Variants in AADACL2 observed in about 807,000 individuals in gnomAD.
AADACL2 encodes arylacetamide deacetylase-like 2.
Under a neutral mutation model 22.3 loss-of-function variants are expected in AADACL2, and 23 were observed. That is an observed-to-expected ratio of 1.03 (90% CI 0.74 to 1.46). The LOEUF is 1.46. AADACL2 is among the 40% of genes most tolerant of loss of function. The pLI, the probability that AADACL2 is intolerant of heterozygous loss-of-function variation, is 0.00. For missense variants in AADACL2, 472 were observed against 482.9 expected, an observed-to-expected ratio of 0.98 and a Z score of 0.21; for synonymous variants, 177 against 166.2, an observed-to-expected ratio of 1.07 and a Z score of -0.50.
At chr3:151,738,548 A>G (rs1389160359) in intron 1 of AADACL2, among the ~76,000 whole-genome samples, 1 of 152,120 alleles carries the variant, frequency 6.6e-6, no homozygotes, top group East Asian at 1.9e-4. Flanking sequence ...CTGTCTTGCT[A>G]TGTTGGAGAA....
intron 3 of AADACL2, among the ~76,000 whole-genome samples, chr3:151,745,058 G>A (rs751811293): frequency 8.5e-5 from 13 of 152,102 alleles, no homozygotes; most frequent in East Asian, 1.9e-4. Flanking sequence ...TATATGCACC[G>A]TCAGCTTATA....
intron 1 of AADACL2, among the ~76,000 whole-genome samples, chr3:151,738,000 T>A (rs34427011): frequency 0.32 from 48,713 of 152,090 alleles, 8,120 homozygotes; most frequent in East Asian, 0.55. Context: ...GTCATCATGA[T>A]GCTAGCTAGT....
intron 1 of AADACL2, among the ~76,000 whole-genome samples, chr3:151,737,889 G>A (rs918610537): frequency 1.2e-4 from 18 of 152,044 alleles, no homozygotes; most frequent in Non-Finnish European, 8.8e-5. Flanking sequence ...GCACACTGAT[G>A]AGTCTTGACT....
intron 3 of AADACL2, 129 bp from the exon 4 acceptor site, chr3:151,745,380 A>T: frequency 2.3e-6 from 2 of 853,742 alleles, no homozygotes; most frequent in Non-Finnish European, 3.7e-6. Flanking sequence ...ATCAAGAGTT[A>T]GTAGAAAACT....
rs1372510081 is a variant in AADACL2 at position 151,734,164 on chromosome 3, T to C, written c.129T>C (p.Cys43=). Residue 43 remains cysteine, a synonymous_variant, in exon 1 of 5, where the codon TGT becomes TGC. Coordinates refer to ENST00000356517, the MANE Select transcript of AADACL2 (RefSeq NM_207365.4). ...CCTTGGATGCCATCGCTAAAACTTGTACATTTACGGTAAGGTTAACATTTA... is the reference window on the plus strand; with the variant it reads ...CCTTGGATGCCATCGCTAAAACTTGCACATTTACGGTAAGGTTAACATTTA... ...IMALDAIAKT[C]TFTAMCFENM... 1.2e-6 allele frequency: 2 copies of C among 1,613,054 alleles called. No individual in the cohort carries two copies. The highest frequency in any genetic ancestry group is 1.7e-6 in the Non-Finnish European group (2 of 1,179,502).
chr3:151,746,240 ATTGGAAT>A (rs528188552), intron 4 of AADACL2, among the ~76,000 whole-genome samples: 6 of 152,066 alleles, frequency 3.9e-5, no homozygotes, highest in Admixed American at 3.3e-4. Flanking sequence ...TTTGGAACAT[ATTGGAAT>A]TTGTAATTTG....
In AADACL2 at chr3:151,745,622, G is replaced by A. The variant is rs780021458; in HGVS notation, c.545G>A (p.Arg182Gln). The change falls in exon 4 of 5, where the codon CGA becomes CAA. Residue 182 changes from arginine (R) to glutamine (Q), a missense_variant. Around this residue, in one of 3 missense-constraint regions of AADACL2, gnomAD observed 356 missense variants for 365.5 expected, o/e 0.97. Transcript: ENST00000356517. ...ILTKYGVDPTRICIAGDSSGG... is the reference protein window; with the variant it reads ...ILTKYGVDPTQICIAGDSSGG... ...ACAAAATATGGAGTGGATCCCACCC[G>A]AATCTGCATTGCGGGAGACAGTTCT... 4.2e-5 allele frequency: 68 copies of A among 1,613,286 alleles called. 1 individual carries two copies. In the South Asian group the frequency reaches 4.3e-4, roughly 10 times the overall value.
chr3:151,742,563 G>T (rs375041315), intron 2 of AADACL2, among the ~76,000 whole-genome samples: 11 of 152,270 alleles, frequency 7.2e-5, no homozygotes, highest in Admixed American at 2.0e-4. Flanking sequence ...AAGACCTCAA[G>T]GTCTCTGGAT....
intron 4 of AADACL2, among the ~76,000 whole-genome samples, chr3:151,750,427 C>G (rs1018144127): frequency 9.2e-5 from 14 of 152,134 alleles, no homozygotes; most frequent in Admixed American, 4.6e-4. Flanking sequence ...CTTCCTCCAC[C>G]TACGCATCTA....
At chr3:151,747,777 G>C (rs758029945) in intron 4 of AADACL2, among the ~76,000 whole-genome samples, 5 of 151,966 alleles carry the variant, frequency 3.3e-5, no homozygotes, top group Non-Finnish European at 7.4e-5. Flanking sequence ...TACTGACTTT[G>C]TTTCCTTTGG....
Position 151,745,571 on chromosome 3 carries a change from A to G in AADACL2, c.494A>G (p.Lys165Arg). The change falls in exon 4 of 5, where the codon AAA (lysine) becomes AGA (arginine). Residue 165 changes from lysine to arginine, a missense_variant. Coordinates refer to ENST00000356517, the MANE Select transcript of AADACL2 (RefSeq NM_207365.4). ...TTTGAAGATGGCCTTGCTGCAGTCA[A>G]ATTTTTTCTTTTGGAAAAAATTCTT... is the stretch of plus-strand genomic sequence containing the variant. ...AQFEDGLAAVKFFLLEKILTK... is the reference protein window; with the variant it reads ...AQFEDGLAAVRFFLLEKILTK... The G allele has an allele frequency of 6.2e-7, 1 of 1,613,862 alleles. No homozygotes were observed. Among genetic ancestry groups the G allele is most frequent in the Non-Finnish European group, 8.5e-7 (1 of 1,179,880 alleles).
intron 2 of AADACL2, 72 bp downstream of exon 2, chr3:151,740,940 A>G: frequency 8.5e-7 from 1 of 1,173,152 alleles, no homozygotes; most frequent in Non-Finnish European, 1.2e-6. Flanking sequence ...TTATATAAAT[A>G]TACACACTTA....
intron 2 of AADACL2, among the ~76,000 whole-genome samples, chr3:151,742,608 AAT>A (rs1713316624): frequency 6.6e-6 from 1 of 152,152 alleles, no homozygotes; most frequent in African/African-American, 2.4e-5. Flanking sequence ...AAGAAACCCA[AAT>A]TATGACACTA....
rs1267611081 is a variant in AADACL2 at position 151,758,806 on chromosome 3, TGTA to T, written c.*1216_*1218del. 2.0e-5 allele frequency: 3 copies of T among 152,048 alleles called. No homozygotes were observed. Among genetic ancestry groups the T allele is most frequent in the Non-Finnish European group, 4.4e-5 (3 of 67,962 alleles). 9.4% of individuals were successfully genotyped at this position (152,048 alleles called of 1,614,324 possible). A position where few individuals can be genotyped will look rare whatever the true frequency, so the allele number is the denominator to read the frequency against. On this transcript the variant is annotated 3_prime_UTR_variant, in exon 5 of 5. Transcript: ENST00000356517. ...TTGAATCCAACTAAGAAGTTAAAAA[TGTA>T]GTAAGAAATGTGTATATGTATGAGT...
intron 1 of AADACL2, among the ~76,000 whole-genome samples, chr3:151,740,436 C>T (rs986955419): frequency 7.2e-5 from 11 of 152,280 alleles, no homozygotes; most frequent in Admixed American, 1.3e-4. Flanking sequence ...TGTTCCTATT[C>T]GGCCAGCTTG....
rs35709499 is a variant in AADACL2 at position 151,757,166 on chromosome 3, C to T, written c.778C>T (p.Leu260Phe). 9.4e-4 allele frequency: 1,518 copies of T among 1,613,406 alleles called. No homozygotes were observed. Among genetic ancestry groups the T allele is most frequent in the Non-Finnish European group, 1.1e-3 (1,264 of 1,179,656 alleles). ...CTTATATTTCACCAAGGATGAAGCACTTCCCTGGGCAATGAGAAGAAACCA... is the reference window on the plus strand; with the variant it reads ...CTTATATTTCACCAAGGATGAAGCATTTCCCTGGGCAATGAGAAGAAACCA... The part of the protein sequence containing the change: ...VSLYFTKDEA[L>F]PWAMRRNQHM... Residue 260 changes from leucine to phenylalanine, a missense_variant, in exon 5 of 5, where the codon CTT becomes TTT. Around this residue, in one of 3 missense-constraint regions of AADACL2, gnomAD observed 356 missense variants for 365.5 expected, o/e 0.97. Transcript: ENST00000356517.
Position 151,740,767 on chromosome 3 carries a change from T to TTAAA in AADACL2, c.261_262insAAAT (p.Asp88LysfsTer2). ...ATCACAGTGACTGATACAACATTTG[T>TTAAA]TGACATTCCAGTACGATTGTACTTG... is the stretch of plus-strand genomic sequence containing the variant. On this transcript the variant is annotated frameshift_variant, in exon 2 of 5. Coordinates refer to ENST00000356517, the MANE Select transcript of AADACL2 (RefSeq NM_207365.4). LOFTEE classifies it high-confidence loss of function. 1 of 1,614,048 alleles carries TTAAA rather than the reference T, an allele frequency of 6.2e-7. No individual in the cohort carries two copies. The highest frequency in any genetic ancestry group is 8.5e-7 in the Non-Finnish European group (1 of 1,179,954).
At chr3:151,736,026 TA>T (rs577960586) in intron 1 of AADACL2, among the ~76,000 whole-genome samples, 208 of 152,268 alleles carry the variant, frequency 1.4e-3, no homozygotes, top group Non-Finnish European at 2.5e-3. Flanking sequence ...GAAAGTGCCC[TA>T]ATCTTTTTGG....
At chr3:151,739,450 T>A (rs1713202874) in intron 1 of AADACL2, among the ~76,000 whole-genome samples, 1 of 152,180 alleles carries the variant, frequency 6.6e-6, no homozygotes, top group Non-Finnish European at 1.5e-5. Context: ...CTGGGAGATG[T>A]CTCCCTGTCA....
Sources: gnomAD v4.1 joint callset for allele counts (sites outside exome capture counted in the v4.1 genomes callset) on GRCh38, gnomAD v4.1.1 for gene constraint, gnomAD v4.1.1 regional missense constraint, MANE v1.5 for transcripts, NCBI Gene and HGNC (gene_info 2026-07-23, HGNC 2026-07-21) for gene names.